FHL1: variants seen among roughly 807,000 people sequenced by gnomAD.
The protein encoded by FHL1 is four and a half LIM domains 1.
FHL1 carries 1 observed loss-of-function variant against 20.3 expected under a neutral mutation model. That is an observed-to-expected ratio of 0.05 (90% CI 0.02 to 0.23). FHL1 has a LOEUF of 0.23. FHL1 is among the 10% of genes least tolerant of loss of function. The pLI is 1.00. For synonymous variants in FHL1, 82 were observed against 88.9 expected (o/e 0.92, Z 0.44); for missense variants, 177 against 234.0 (o/e 0.76, Z 1.59).
chrX:136,177,394 G>A (rs957181980), intron 2 of FHL1, among the ~76,000 whole-genome samples: 2 of 111,738 alleles, frequency 1.8e-5, no homozygotes, highest in Admixed American at 9.5e-5. Context: ...GTGAAATGAG[G>A]ACATAGATAT....
intron 1 of FHL1, among the ~76,000 whole-genome samples, chrX:136,158,784 A>T (rs1390367607): frequency 8.9e-6 from 1 of 111,862 alleles, no homozygotes; most frequent in Non-Finnish European, 1.9e-5. Context: ...CATTAAAAAT[A>T]AGTGAATAGT....
chrX:136,188,576 G>A (rs1298915838), intron 2 of FHL1, among the ~76,000 whole-genome samples: 2 of 111,591 alleles, frequency 1.8e-5, no homozygotes, highest in Non-Finnish European at 3.8e-5. Context: ...TGCATGGAGA[G>A]TGACAGCTAA....
upstream of FHL1, among the ~76,000 whole-genome samples, chrX:136,164,644 C>A (rs939850682): frequency 1.8e-5 from 2 of 111,673 alleles, no homozygotes; most frequent in Non-Finnish European, 3.8e-5. Flanking sequence ...ACAGAAAGAG[C>A]TCCTTGGTAT....
At chrX:136,205,775 G>T (rs975265098) in intron 1 of FHL1, among the ~76,000 whole-genome samples, 4 of 111,604 alleles carry the variant, frequency 3.6e-5, no homozygotes, top group African/African-American at 1.3e-4. Flanking sequence ...ATAGATAGGA[G>T]GAACGGGAGG....
At chrX:136,196,914 T>C (rs1169615002), upstream of FHL1, 3 of 1,112,797 alleles carry the variant, frequency 2.7e-6, no homozygotes, top group Middle Eastern at 2.6e-4. Flanking sequence ...TCTTCTCCCT[T>C]GGATCACCTA....
chrX:136,178,567 A>G (rs761545970), intron 2 of FHL1, among the ~76,000 whole-genome samples: 14 of 105,620 alleles, frequency 1.3e-4, no homozygotes, highest in Non-Finnish European at 2.6e-4. Context: ...CTACACTCCA[A>G]CCTGGGTGAT....
At chrX:136,206,275 AGGG>A (rs1379075770) in intron 1 of FHL1, 129 bp from the exon 2 acceptor site, 1 of 795,994 alleles carries the variant, frequency 1.3e-6, no homozygotes, top group Non-Finnish European at 1.9e-6. Flanking sequence ...GCTCGGCTGA[AGGG>A]GAAGCTGGGT....
At chrX:136,171,994 A>G (rs781721707) in intron 2 of FHL1, among the ~76,000 whole-genome samples, 8 of 110,642 alleles carry the variant, frequency 7.2e-5, no homozygotes, top group Admixed American at 3.9e-4. Context: ...GGTTCAAGCA[A>G]TTCTCCTGCC....
At chrX:136,178,731 G>A (rs2073074231) in intron 2 of FHL1, among the ~76,000 whole-genome samples, 1 of 106,124 alleles carries the variant, frequency 9.4e-6, no homozygotes, top group Admixed American at 1.0e-4. Context: ...TAAACCATGT[G>A]TGAGAGGACC....
chrX:136,184,758 T>C (rs1342112154), intron 2 of FHL1, among the ~76,000 whole-genome samples: 1 of 111,742 alleles, frequency 8.9e-6, no homozygotes, highest in Non-Finnish European at 1.9e-5. Context: ...CAAAAGACAT[T>C]ACCTACTTGG....
At chrX:136,152,538 G>T (rs1305685918) in intron 1 of FHL1, among the ~76,000 whole-genome samples, 1 of 110,627 alleles carries the variant, frequency 9.0e-6, no homozygotes, top group African/African-American at 3.3e-5. Context: ...TGGCCAACAT[G>T]GTGAAACCCC....
chrX:136,159,590 A>G (rs193146046), intron 1 of FHL1, among the ~76,000 whole-genome samples: 38 of 112,042 alleles, frequency 3.4e-4, no homozygotes, highest in Middle Eastern at 4.6e-3. Context: ...GTTTTTCAGA[A>G]TGAGTGAAAT....
At chrX:136,169,187 G>A (rs1367924680), upstream of FHL1, 1 of 114,172 alleles carries the variant, frequency 8.8e-6, no homozygotes, top group East Asian at 2.8e-4. Context: ...AGGGATTGGG[G>A]GAGGAAGGCA....
intron 2 of FHL1, among the ~76,000 whole-genome samples, chrX:136,180,796 C>T (rs914374659): frequency 9.8e-5 from 5 of 51,238 alleles, no homozygotes; most frequent in African/African-American, 2.4e-4. Flanking sequence ...GGCTGGAGTG[C>T]AAAGGCGTGA....
chrX:136,179,805 A>G lies in FHL1; in HGVS notation c.-27+9825A>G, dbSNP rs756185953. ...CCCTTTTCCTTCACTGTAGCATGAC[A>G]TTATTTCTTCCCGGCCTGTTATCAG... is the stretch of plus-strand genomic sequence containing the variant. On this transcript the variant is annotated intron_variant, in intron 2 of 6. Coordinates refer to the FHL1 transcript ENST00000394153. Among the ~76,000 whole-genome samples, 3 of 111,604 alleles carry G rather than the reference A, an allele frequency of 2.7e-5. No individual in the cohort carries two copies. In the South Asian group the frequency reaches 1.1e-3, roughly 43 times the overall value.
chrX:136,210,439 G>A lies in FHL1; in HGVS notation c.*414G>A, dbSNP rs780820108. The A allele has an allele frequency of 1.8e-4, 69 of 391,571 alleles. No homozygotes were observed. Among genetic ancestry groups the A allele is most frequent in the South Asian group, 1.7e-3 (66 of 38,781 alleles). 32.3% of individuals were successfully genotyped at this position (391,571 alleles called of 1,213,427 possible). The stretch of plus-strand genomic sequence containing the variant: ...ACACACGACATGCAAGAGTTGCAGC[G>A]GCTGCTCCAACTCACTGCTCACCCT... On this transcript the variant is annotated 3_prime_UTR_variant, in exon 6 of 6. Coordinates refer to ENST00000370683, the MANE Select transcript of FHL1 (RefSeq NM_001159699.2).
chrX:136,156,389 C>T (rs2072419928), intron 1 of FHL1, among the ~76,000 whole-genome samples: 1 of 107,502 alleles, frequency 9.3e-6, no homozygotes, highest in Non-Finnish European at 1.9e-5. Context: ...TCAAGCGATT[C>T]TCCTGCCTCA....
intron 2 of FHL1, among the ~76,000 whole-genome samples, chrX:136,186,801 C>T (rs1398491887): frequency 9.4e-6 from 1 of 106,230 alleles, no homozygotes; most frequent in African/African-American, 3.4e-5. Context: ...TTGCAGTGAG[C>T]CGAGATCGCA....
intron 4 of FHL1, 114 bp downstream of exon 4, chrX:136,208,075 A>G (rs931835761): frequency 3.2e-6 from 3 of 924,180 alleles, no homozygotes; most frequent in Non-Finnish European, 4.7e-6. Context: ...CCTGTGACGT[A>G]GGAATTATTA....
Sources: gnomAD v4.1 joint callset for allele counts (sites outside exome capture counted in the v4.1 genomes callset) on GRCh38, gnomAD v4.1.1 for gene constraint, MANE v1.5 for transcripts, NCBI Gene and HGNC (gene_info 2026-07-23, HGNC 2026-07-21) for gene names.